Variants in COL28A1 observed in about 807,000 individuals in gnomAD.
The protein encoded by COL28A1 is collagen alpha-1(XXVIII) chain.
COL28A1 carries 161 observed loss-of-function variants against 150.2 expected under a neutral mutation model. That is an observed-to-expected ratio of 1.07 (90% CI 0.94 to 1.22). The LOEUF (loss-of-function observed/expected upper bound fraction) is 1.22. Among genes scored for constraint, COL28A1 ranks in the 50% most tolerant of loss-of-function variants. The probability of loss-of-function intolerance (pLI) is 0.00; values close to 1 mark genes in which losing one functional copy is unlikely to be tolerated. For synonymous variants in COL28A1, 552 were observed against 469.7 expected (o/e 1.18, Z -2.26); for missense variants, 1,617 against 1,388.3 (o/e 1.16, Z -2.62).
At chr7:7,343,286 T>C in the COL28A1 span, among the ~76,000 whole-genome samples, 1 of 152,092 alleles carries the variant, frequency 6.6e-6, no homozygotes, top group African/African-American at 2.4e-5. Flanking sequence ...ATCACCTTTT[T>C]AAAATTGTCT....
rs748258391 is a variant in COL28A1, at chr7:7,532,845, G to T, written c.31C>A (p.Leu11Met). 1 of 1,611,344 alleles carries T rather than the reference G, an allele frequency of 6.2e-7. No homozygotes were observed. Among genetic ancestry groups the T allele is most frequent in the Admixed American group, 1.7e-5 (1 of 59,642 alleles). The part of the protein sequence containing the change: MWNRYFVFYL[L>M]LLSAFTSQTV... ...TGACTCGTAAACGCTGACAAAAGCAGGAGATAGAAGACAAAATATCTGTTC... is the reference window on the plus strand; with the variant it reads ...TGACTCGTAAACGCTGACAAAAGCATGAGATAGAAGACAAAATATCTGTTC... The change falls in exon 2 of 35, where the codon CTG becomes ATG. Residue 11 changes from leucine (L) to methionine (M), a missense_variant. By Grantham distance (15) the Leu-to-Met change is conservative. Transcript: ENST00000399429.
intron 20 of COL28A1, among the ~76,000 whole-genome samples, chr7:7,441,738 C>T (rs1182673082): frequency 1.3e-5 from 2 of 152,080 alleles, no homozygotes; most frequent in Non-Finnish European, 2.9e-5. Flanking sequence ...CCAGGTGATG[C>T]TGATGCTGCT....
chr7:7,437,057 A>G (rs2128317231), intron 22 of COL28A1, among the ~76,000 whole-genome samples: 1 of 152,142 alleles, frequency 6.6e-6, no homozygotes, highest in African/African-American at 2.4e-5. Context: ...CAGTCAACCA[A>G]CCTGAGTGGA....
intron 15 of COL28A1, among the ~76,000 whole-genome samples, chr7:7,459,338 A>C (rs1203797956): frequency 6.6e-6 from 1 of 152,246 alleles, no homozygotes; most frequent in Non-Finnish European, 1.5e-5. Flanking sequence ...GATTGAACAA[A>C]GAATTGTATT....
chr7:7,346,948 T>A, the COL28A1 span, among the ~76,000 whole-genome samples: 1 of 152,082 alleles, frequency 6.6e-6, no homozygotes, highest in African/African-American at 2.4e-5. Context: ...AGGGTCAAGT[T>A]TCAAAGCTTT....
In COL28A1 at chr7:7,370,767, G is replaced by C. The variant is rs755299945; in HGVS notation, c.3024C>G (p.Leu1008=). ...TTTGAGGCTCTGGAGTAGATTCACT[G>C]AGTTCTTCCCCTGACATCCCAAATC... ...QPGFGMSGEE[L]SESTPEPQKE... The change falls in exon 33 of 35, where the codon CTC becomes CTG. Residue 1008 remains leucine (L), a synonymous_variant. Transcript: ENST00000399429. 13 of 1,613,590 alleles carry C rather than the reference G, an allele frequency of 8.1e-6. No homozygotes were observed. The highest frequency in any genetic ancestry group is 1.1e-5 in the Non-Finnish European group (13 of 1,179,812).
At chr7:7,348,294 C>A in the COL28A1 span, among the ~76,000 whole-genome samples, 1 of 151,970 alleles carries the variant, frequency 6.6e-6, no homozygotes, top group Non-Finnish European at 1.5e-5. Flanking sequence ...AGGTGAAGAG[C>A]TCCATCCATC....
chr7:7,458,658 T>A (rs1001199077), intron 15 of COL28A1, among the ~76,000 whole-genome samples: 19 of 152,186 alleles, frequency 1.2e-4, no homozygotes, highest in African/African-American at 4.3e-4. Flanking sequence ...ACTTGATTTC[T>A]TATGCATCAG....
chr7:7,417,862 A>G lies in COL28A1; in HGVS notation c.2133T>C (p.Ile711=). The G allele has an allele frequency of 6.2e-7, 1 of 1,613,056 alleles. No homozygotes were observed. The highest frequency in any genetic ancestry group is 1.1e-5 in the South Asian group (1 of 90,946). ...PGPPGYGSQG[I]KGEQGPQGFP... ...CAGCACAACCCTATTCACTTACTTT[A>G]ATTCCCTGTGATCCATAGCCAGGGG... The change falls in exon 27 of 35, where the codon ATT becomes ATC. Residue 711 remains isoleucine (I), a synonymous_variant. Coordinates refer to ENST00000399429, the MANE Select transcript of COL28A1 (RefSeq NM_001037763.3).
In COL28A1 at chr7:7,437,468, A is replaced by G. The variant is rs1785427762; in HGVS notation, c.1723-6T>C. On this transcript the variant is annotated splice_region_variant and splice_polypyrimidine_tract_variant and intron_variant, in intron 21 of 34. Coordinates refer to ENST00000399429, the MANE Select transcript of COL28A1 (RefSeq NM_001037763.3). ...CCCATAATGCCCGGTTCACCCTTAAAAAGAGCAAAATGCTCACTACATTTC... is the reference window on the plus strand; with the variant it reads ...CCCATAATGCCCGGTTCACCCTTAAGAAGAGCAAAATGCTCACTACATTTC... 6.2e-7 allele frequency: 1 copy of G among 1,612,538 alleles called. No individual in the cohort carries two copies. The highest frequency in any genetic ancestry group is 8.5e-7 in the Non-Finnish European group (1 of 1,179,554).
intron 8 of COL28A1, among the ~76,000 whole-genome samples, chr7:7,513,251 G>C (rs892976870): frequency 6.6e-6 from 1 of 152,156 alleles, no homozygotes; most frequent in African/African-American, 2.4e-5. Flanking sequence ...TCCACTCACA[G>C]ATAAGCAAAA....
At chr7:7,392,805 G>T (rs763102364) in intron 27 of COL28A1, among the ~76,000 whole-genome samples, 1 of 152,162 alleles carries the variant, frequency 6.6e-6, no homozygotes, top group East Asian at 1.9e-4. Flanking sequence ...AAGTTCTCGT[G>T]CTGTGTTTTT....
intron 11 of COL28A1, among the ~76,000 whole-genome samples, chr7:7,493,302 G>C (rs1780028398): frequency 6.6e-6 from 1 of 151,998 alleles, no homozygotes; most frequent in Non-Finnish European, 1.5e-5. Flanking sequence ...GTACTTATCT[G>C]ATGTTTGATC....
chr7:7,340,059 C>T, the COL28A1 span, among the ~76,000 whole-genome samples: 3 of 150,728 alleles, frequency 2.0e-5, no homozygotes, highest in Non-Finnish European at 4.4e-5. Context: ...GGTGTGATCT[C>T]GGCTCACTCC....
In COL28A1 at chr7:7,437,393, C is replaced by A; in HGVS notation, c.1791+1G>T. On this transcript the variant is annotated splice_donor_variant, in intron 22 of 34. Transcript: ENST00000399429. LOFTEE classifies it high-confidence loss of function. The stretch of plus-strand genomic sequence containing the variant: ...AGAAAATAATCTCCAAGAATATATA[C>A]CTTTGGCCCAGGTGGTCCAGGAATT... 1 of 1,612,628 alleles carries A rather than the reference C, an allele frequency of 6.2e-7. No individual in the cohort carries two copies.
intron 20 of COL28A1, among the ~76,000 whole-genome samples, chr7:7,441,916 A>G (rs1179749043): frequency 6.6e-6 from 1 of 152,166 alleles, no homozygotes; most frequent in Non-Finnish European, 1.5e-5. Flanking sequence ...GAATGTCCAA[A>G]TATCTTATAT....
chr7:7,505,590 G>A (rs1007640469), intron 11 of COL28A1, among the ~76,000 whole-genome samples: 3 of 152,126 alleles, frequency 2.0e-5, no homozygotes, highest in Non-Finnish European at 2.9e-5. Context: ...ATTAAAAAAA[G>A]CTTGATTTCT....
chr7:7,470,946 C>G (rs1788357342), intron 15 of COL28A1, among the ~76,000 whole-genome samples: 2 of 111,028 alleles, frequency 1.8e-5, no homozygotes, highest in Admixed American at 2.2e-4. Context: ...GAATATCACA[C>G]TCTGGGGACT....
chr7:7,518,144 G>A (rs949911238), intron 6 of COL28A1, among the ~76,000 whole-genome samples: 1 of 152,054 alleles, frequency 6.6e-6, no homozygotes. Context: ...TACTCACTTG[G>A]AGCCAGTCAC....
Sources: allele counts gnomAD v4.1 joint callset (sites outside exome capture counted in the v4.1 genomes callset), GRCh38; gene constraint gnomAD v4.1.1; transcripts MANE v1.5; gene names NCBI Gene and HGNC (gene_info 2026-07-23, HGNC 2026-07-21).